RRBP1: variants seen among roughly 807,000 people sequenced by gnomAD.
RRBP1 encodes the protein ribosome binding protein 1, also known as ribosome-binding protein 1.
In RRBP1, 94 loss-of-function variants were observed where a neutral mutation model predicts 165.2. That is an observed-to-expected ratio of 0.57 (90% CI 0.48 to 0.68). RRBP1 has a LOEUF of 0.68. RRBP1 is among the 30% of genes least tolerant of loss of function. The pLI is 0.00. For missense variants in RRBP1, 1,676 were observed against 1,763.0 expected, an observed-to-expected ratio of 0.95 and a Z score of 0.88; for synonymous variants, 680 against 714.5, an observed-to-expected ratio of 0.95 and a Z score of 0.77.
At chr20:17,661,044 T>A (rs190332508) in intron 2 of RRBP1, among the ~76,000 whole-genome samples, 2 of 151,932 alleles carry the variant, frequency 1.3e-5, no homozygotes, top group African/African-American at 2.4e-5. Context: ...TTTTAAAAAA[T>A]TTTTCTCTCA....
chr20:17,679,488 T>G (rs948917126), intron 2 of RRBP1, among the ~76,000 whole-genome samples: 1 of 152,246 alleles, frequency 6.6e-6, no homozygotes, highest in Non-Finnish European at 1.5e-5. Flanking sequence ...AACAGAACTG[T>G]TGATCCTCTA....
At chr20:17,675,093 AGG>A (rs1415567652) in intron 2 of RRBP1, among the ~76,000 whole-genome samples, 1 of 152,272 alleles carries the variant, frequency 6.6e-6, no homozygotes, top group East Asian at 1.9e-4. Context: ...GAGGGCTCCC[AGG>A]AGAGAGCCAA....
At chr20:17,649,943 G>A (rs2036526842) in intron 3 of RRBP1, among the ~76,000 whole-genome samples, 1 of 152,072 alleles carries the variant, frequency 6.6e-6, no homozygotes. Flanking sequence ...TGTGTGCTAG[G>A]GCTGGGACAC....
rs143048695 is a variant in RRBP1 at position 17,648,177 on chromosome 20, G to A, written c.1913-5050C>T. Among the ~76,000 whole-genome samples the A allele has an allele frequency of 3.0e-4, 45 of 152,284 alleles. No homozygotes were observed. The East Asian group carries it at 8.1e-3, about 27-fold the overall frequency. ...CCCACCCCGAGGTGGGACGCAAGAC[G>A]CTCTCTAGGGAGGAGCTCCGGCCAA... On this transcript the variant is annotated intron_variant, in intron 3 of 24. Transcript: ENST00000377813.
chr20:17,668,495 T>G (rs1360135543), intron 2 of RRBP1, among the ~76,000 whole-genome samples: 1 of 152,208 alleles, frequency 6.6e-6, no homozygotes, highest in Non-Finnish European at 1.5e-5. Flanking sequence ...TTGCTTCAAC[T>G]AGGGCCTCAG....
Position 17,659,960 on chromosome 20 carries a change from G to C in RRBP1, c.548C>G (p.Pro183Arg), listed in dbSNP as rs747827302. ...TGTGTTGCCCTTGGCACCCACTGGG[G>C]GCACCACCACCATCGGCACCTCCTT... ...APKEVPMVVV[P>R]PVGAKGNTPA... The change falls in exon 3 of 25, where the codon CCC becomes CGC. Residue 183 changes from proline (P) to arginine (R), a missense_variant. Physicochemically the swap from Pro to Arg is moderately radical, Grantham distance 103 (BLOSUM62 -2). This residue lies in a region of RRBP1 where 392 missense variants were observed against 382.5 expected (regional missense o/e 1.02). Transcript: ENST00000377813. 1.2e-5 allele frequency: 20 copies of C among 1,602,152 alleles called. No individual in the cohort carries two copies. Among genetic ancestry groups the C allele is most frequent in the Non-Finnish European group, 1.5e-5 (18 of 1,173,854 alleles).
chr20:17,664,189 G>A (rs575866803), intron 2 of RRBP1, among the ~76,000 whole-genome samples: 43 of 152,216 alleles, frequency 2.8e-4, no homozygotes, highest in East Asian at 7.7e-4. Context: ...TCAAACACAC[G>A]CACTGTGATA....
Position 17,629,914 on chromosome 20 carries a change from C to T in RRBP1, c.2658G>A (p.Glu886=), listed in dbSNP as rs747298549. 6.2e-7 allele frequency: 1 copy of T among 1,600,104 alleles called. No homozygotes were observed. ...GCGTGTGGCACAGCTCCCGGCTGAC[C>T]TCGTCCAGGCGCTTCTGCAGGGCCT... ...SEEALQKRLD[E]VSRELCHTQS... Residue 886 remains glutamate, a synonymous_variant, in exon 9 of 25, where the codon GAG becomes GAA. Transcript: ENST00000377813.
chr20:17,627,559 C>T lies in RRBP1; in HGVS notation c.2873G>A (p.Arg958His), dbSNP rs372811413. Residue 958 changes from arginine to histidine, a missense_variant, in exon 10 of 25, where the codon CGT becomes CAT. Coordinates refer to ENST00000377813, the MANE Select transcript of RRBP1 (RefSeq NM_001365613.2). ...CGCCTCCAGCAGGGCCTCAATGGAACGGATTCTCTCTGTGAGCTGGGAGTT... is the reference window on the plus strand; with the variant it reads ...CGCCTCCAGCAGGGCCTCAATGGAATGGATTCTCTCTGTGAGCTGGGAGTT... ...AENSQLTERI[R>H]SIEALLEAGQ... The T allele has an allele frequency of 2.7e-5, 43 of 1,613,344 alleles. No individual in the cohort carries two copies. The highest frequency in any genetic ancestry group is 1.6e-4 in the Middle Eastern group (1 of 6,082).
chr20:17,674,183 C>T (rs1311955360), intron 2 of RRBP1, among the ~76,000 whole-genome samples: 2 of 152,194 alleles, frequency 1.3e-5, no homozygotes, highest in Non-Finnish European at 2.9e-5. Context: ...GTAGGTCAGA[C>T]ATTCCCGTTA....
At chr20:17,651,948 C>T (rs1246232238) in intron 3 of RRBP1, among the ~76,000 whole-genome samples, 2 of 152,206 alleles carry the variant, frequency 1.3e-5, no homozygotes, top group Admixed American at 1.3e-4. Context: ...ACCACTCCTG[C>T]CAGGTCTCCC....
chr20:17,638,504 A>G (rs8125267), intron 5 of RRBP1, among the ~76,000 whole-genome samples: 2,951 of 152,234 alleles, frequency 0.019, 113 homozygotes, highest in African/African-American at 0.067. Context: ...CAGCGTCCCA[A>G]GGCCGCCAGG....
intron 2 of RRBP1, among the ~76,000 whole-genome samples, chr20:17,677,505 A>C (rs967133620): frequency 6.6e-6 from 1 of 152,210 alleles, no homozygotes; most frequent in African/African-American, 2.4e-5. Flanking sequence ...ACAACCAAGA[A>C]TTCAAAAATT....
In RRBP1 at chr20:17,621,774, C is replaced by G; in HGVS notation, c.3241-1G>C. The stretch of plus-strand genomic sequence containing the variant: ...GATCCTGCAGCCACTCGGTGTAATT[C>G]TGCAATGAAACACATTCGGTGAGAC... On this transcript the variant is annotated splice_acceptor_variant, in intron 14 of 24. Coordinates refer to ENST00000377813, the MANE Select transcript of RRBP1 (RefSeq NM_001365613.2). LOFTEE classifies it high-confidence loss of function. 6.2e-7 allele frequency: 1 copy of G among 1,613,978 alleles called. No homozygotes were observed. The highest frequency in any genetic ancestry group is 8.5e-7 in the Non-Finnish European group (1 of 1,180,016).
At chr20:17,637,305 G>C (rs889220471) in intron 5 of RRBP1, among the ~76,000 whole-genome samples, 1 of 152,204 alleles carries the variant, frequency 6.6e-6, no homozygotes, top group Non-Finnish European at 1.5e-5. Flanking sequence ...TGGATGCCGA[G>C]TCTGGGGGGT....
chr20:17,618,084 T>C (rs1015530170), intron 20 of RRBP1, among the ~76,000 whole-genome samples: 1 of 152,202 alleles, frequency 6.6e-6, no homozygotes, highest in African/African-American at 2.4e-5. Context: ...GCAGCTGGTA[T>C]GGGGCCGGGC....
intron 5 of RRBP1, 147 bp downstream of exon 5, chr20:17,641,639 GGCAGCAGATAA>G: frequency 1.1e-6 from 1 of 893,548 alleles, no homozygotes; most frequent in Non-Finnish European, 1.8e-6. Flanking sequence ...TGGCTCTTTA[GGCAGCAGATAA>G]GCAGCAGTCC....
intron 4 of RRBP1, 100 bp downstream of exon 4, chr20:17,642,879 G>A (rs1451807943): frequency 1.2e-5 from 15 of 1,269,450 alleles, no homozygotes; most frequent in Non-Finnish European, 1.7e-5. Flanking sequence ...AGAAGTGGAG[G>A]CTGTCCTATG....
intron 7 of RRBP1, among the ~76,000 whole-genome samples, chr20:17,634,778 C>G (rs1165611955): frequency 1.3e-5 from 2 of 152,216 alleles, no homozygotes; most frequent in Non-Finnish European, 2.9e-5. Flanking sequence ...GCCGATGGCT[C>G]AGGAAGGGGA....
Sources: gnomAD v4.1 joint callset for allele counts (sites outside exome capture counted in the v4.1 genomes callset) on GRCh38, gnomAD v4.1.1 for gene constraint, gnomAD v4.1.1 regional missense constraint, MANE v1.5 for transcripts, NCBI Gene and HGNC (gene_info 2026-07-23, HGNC 2026-07-21) for gene names.